The following LINGO2 variants were observed in gnomAD, a reference collection of about 807,000 sequenced individuals.
The protein encoded by LINGO2 is leucine rich repeat and Ig domain containing 2.
A neutral mutation model predicts 30.6 loss-of-function variants in LINGO2; 14 were observed. The ratio of observed to expected loss-of-function variants is 0.46; its 90% CI spans 0.30 to 0.72. The LOEUF is 0.72. Ranked by LOEUF, LINGO2 falls within the 30% of genes least tolerant of loss-of-function variation. The pLI, the probability that LINGO2 is intolerant of heterozygous loss-of-function variation, is 0.07. For synonymous variants in LINGO2, 317 were observed against 288.5 expected (o/e 1.10, Z -1.00); for missense variants, 729 against 751.7 (o/e 0.97, Z 0.35).
chr9:28,441,652 C>T (rs961311565), intron 2 of LINGO2, among the ~76,000 whole-genome samples: 10 of 152,214 alleles, frequency 6.6e-5, no homozygotes, highest in South Asian at 2.1e-4. Context: ...CATTGATTTT[C>T]TTCTTTTACA....
At chr9:29,133,494 C>T in the LINGO2 span, among the ~76,000 whole-genome samples, 1 of 152,100 alleles carries the variant, frequency 6.6e-6, no homozygotes, top group African/African-American at 2.4e-5. Context: ...AATGTGGACA[C>T]TCAGGGCAAA....
chr9:28,990,414 C>A, the LINGO2 span, among the ~76,000 whole-genome samples: 1 of 152,204 alleles, frequency 6.6e-6, no homozygotes, highest in Admixed American at 6.5e-5. Flanking sequence ...GTAGGCTCCA[C>A]CTCTGGGGGC....
At chr9:28,003,433 A>C (rs1390880091) in intron 5 of LINGO2, among the ~76,000 whole-genome samples, 2 of 151,986 alleles carry the variant, frequency 1.3e-5, no homozygotes, top group East Asian at 1.9e-4. Context: ...AGTGTTTACT[A>C]TTAGAGGTGT....
At chr9:28,312,155 C>CTTTTTTTTTTTTTTTT (rs72304845) in intron 3 of LINGO2, among the ~76,000 whole-genome samples, 2 of 143,260 alleles carry the variant, frequency 1.4e-5, no homozygotes, top group South Asian at 2.2e-4. Flanking sequence ...TTTCTTTTTT[C>CTTTTTTTTTTTTTTTT]TTTTTTTTGT....
At chr9:28,006,800 A>G (rs911664054) in intron 5 of LINGO2, among the ~76,000 whole-genome samples, 1 of 152,128 alleles carries the variant, frequency 6.6e-6, no homozygotes, top group African/African-American at 2.4e-5. Flanking sequence ...TCATACATCA[A>G]CCTCAGTGTT....
At chr9:28,687,559 A>C in the LINGO2 span, among the ~76,000 whole-genome samples, 1 of 152,100 alleles carries the variant, frequency 6.6e-6, no homozygotes, top group Non-Finnish European at 1.5e-5. Context: ...AAGAGTCAGC[A>C]GTCCTCACTA....
At chr9:28,264,090 G>C (rs1424798389) in intron 4 of LINGO2, among the ~76,000 whole-genome samples, 1 of 151,816 alleles carries the variant, frequency 6.6e-6, no homozygotes, top group Non-Finnish European at 1.5e-5. Flanking sequence ...AAAATCTGTA[G>C]CCATCAAATC....
the LINGO2 span, among the ~76,000 whole-genome samples, chr9:28,687,282 T>C: frequency 6.6e-6 from 1 of 152,238 alleles, no homozygotes; most frequent in South Asian, 2.1e-4. Context: ...TTGAATATAG[T>C]TATCCCATTT....
At chr9:29,103,774 T>A in the LINGO2 span, among the ~76,000 whole-genome samples, 1 of 152,266 alleles carries the variant, frequency 6.6e-6, no homozygotes, top group Admixed American at 6.5e-5. Context: ...CAGACCCACA[T>A]TTCATGGTCA....
the LINGO2 span, among the ~76,000 whole-genome samples, chr9:28,861,889 G>A: frequency 6.6e-6 from 1 of 152,022 alleles, no homozygotes; most frequent in Non-Finnish European, 1.5e-5. Flanking sequence ...AGGATACAAG[G>A]ATATAGGTAC....
chr9:28,754,383 T>A, the LINGO2 span, among the ~76,000 whole-genome samples: 1 of 152,174 alleles, frequency 6.6e-6, no homozygotes, highest in East Asian at 1.9e-4. Flanking sequence ...ACAGAAATAA[T>A]TCCACAGTTG....
At chr9:28,962,065 T>C in the LINGO2 span, among the ~76,000 whole-genome samples, 1 of 152,046 alleles carries the variant, frequency 6.6e-6, no homozygotes, top group South Asian at 2.1e-4. Context: ...AAAAAACAGG[T>C]CATTTGGTTT....
At chr9:28,757,740 G>C in the LINGO2 span, among the ~76,000 whole-genome samples, 2 of 151,962 alleles carry the variant, frequency 1.3e-5, no homozygotes, top group Non-Finnish European at 2.9e-5. Context: ...CTGGAGTCCA[G>C]GGGTGGGAGG....
the LINGO2 span, among the ~76,000 whole-genome samples, chr9:28,763,350 A>T: frequency 6.6e-6 from 1 of 152,194 alleles, no homozygotes; most frequent in East Asian, 1.9e-4. Flanking sequence ...TTCCTACTAA[A>T]ATAGAATGAA....
At chr9:28,418,135 A>G (rs1823043144) in intron 2 of LINGO2, among the ~76,000 whole-genome samples, 2 of 152,126 alleles carry the variant, frequency 1.3e-5, no homozygotes, top group African/African-American at 4.8e-5. Flanking sequence ...TAGACTTCCT[A>G]ATTTTCTGGT....
chr9:28,253,723 G>T (rs905213893), intron 4 of LINGO2, among the ~76,000 whole-genome samples: 1 of 152,130 alleles, frequency 6.6e-6, no homozygotes, highest in Non-Finnish European at 1.5e-5. Context: ...GCGGCCTGGG[G>T]CAACCTAACT....
At chr9:28,437,524 C>A (rs1661756569) in intron 2 of LINGO2, among the ~76,000 whole-genome samples, 1 of 148,772 alleles carries the variant, frequency 6.7e-6, no homozygotes, top group Non-Finnish European at 1.5e-5. Context: ...CCTTCCTATA[C>A]ACACAGACAC....
chr9:28,204,078 T>C lies in LINGO2; in HGVS notation c.-87+91130A>G, dbSNP rs533501251. 7.9e-5 allele frequency among the ~76,000 whole-genome samples: 12 copies of C among 152,324 alleles called. No individual in the cohort carries two copies. The East Asian group carries it at 2.3e-3, about 29-fold the overall frequency. ...CACAAAGGGCTAGTGTTGCATGGAATACTCTTTAATACTGGATTCTGGGAT... is the reference window on the plus strand; with the variant it reads ...CACAAAGGGCTAGTGTTGCATGGAACACTCTTTAATACTGGATTCTGGGAT... On this transcript the variant is annotated intron_variant, in intron 4 of 5. Transcript: ENST00000379992.
At position 28,230,506 on chromosome 9, in the gene LINGO2, C is replaced by T. The variant is rs540925892; in HGVS notation, c.-87+64702G>A. 6.6e-5 allele frequency among the ~76,000 whole-genome samples: 10 copies of T among 151,750 alleles called. No individual in the cohort carries two copies. In the South Asian group the frequency reaches 1.5e-3, roughly 22 times the overall value. On this transcript the variant is annotated intron_variant, in intron 4 of 5. Transcript: ENST00000379992. ...ATTTGATATTTGGTAAGGTAAATCC[C>T]ATCTTAACTAATTTAAAATATACTA...
Sources: gnomAD v4.1 joint callset for allele counts (sites outside exome capture counted in the v4.1 genomes callset) on GRCh38, gnomAD v4.1.1 for gene constraint, MANE v1.5 for transcripts, NCBI Gene and HGNC (gene_info 2026-07-23, HGNC 2026-07-21) for gene names.